PPRC1: variants seen among roughly 807,000 people sequenced by gnomAD.
The protein encoded by PPRC1 is peroxisome proliferator-activated receptor gamma coactivator-related protein 1.
In PPRC1, 23 loss-of-function variants were observed where a neutral mutation model predicts 132.5. The ratio of observed to expected loss-of-function variants is 0.17; its 90% confidence interval spans 0.12 to 0.25. The LOEUF (loss-of-function observed/expected upper bound fraction) is 0.25, where lower values mean the gene tolerates loss of function less well. PPRC1 is among the 10% of genes least tolerant of loss of function. The pLI, the probability that PPRC1 is intolerant of heterozygous loss-of-function variation, is 1.00. For synonymous variants in PPRC1, 872 were observed against 833.5 expected, an observed-to-expected ratio of 1.05 and a Z score of -0.80; for missense variants, 2,006 against 2,089.1, an observed-to-expected ratio of 0.96 and a Z score of 0.78.
the PPRC1 span, among the ~76,000 whole-genome samples, chr10:102,127,042 T>A: frequency 1.8e-5 from 1 of 55,432 alleles, no homozygotes; most frequent in Non-Finnish European, 5.5e-5. Context: ...TATATATATA[T>A]ATATATATAT....
At chr10:102,131,163 C>G (rs2068534769), upstream of PPRC1, among the ~76,000 whole-genome samples, 1 of 149,278 alleles carries the variant, frequency 6.7e-6, no homozygotes, top group Non-Finnish European at 1.5e-5. Context: ...CCACTGCACT[C>G]CAGCCTGGTG....
At chr10:102,133,329 G>A in intron 1 of PPRC1, 108 bp downstream of exon 1, 1 of 1,032,006 alleles carries the variant, frequency 9.7e-7, no homozygotes, top group Non-Finnish European at 1.2e-6. Context: ...TCGATGCCGG[G>A]TGGCCGCGGG....
rs2068907687 is a variant in PPRC1, at chr10:102,140,401, G to A, written c.1893G>A (p.Leu631=). 1 of 1,614,148 alleles carries A rather than the reference G, an allele frequency of 6.2e-7. No individual in the cohort carries two copies. Among genetic ancestry groups the A allele is most frequent in the Non-Finnish European group, 8.5e-7 (1 of 1,180,022 alleles). The change falls in exon 5 of 14, where the codon CTG becomes CTA. Residue 631 remains leucine, a synonymous_variant. Transcript: ENST00000278070. ...LVEPLPAEPV[L]INPVLADSAA... ...AGCCTCTCCCGGCTGAGCCAGTGCT[G>A]ATCAACCCAGTCCTGGCTGACTCAG... is the stretch of plus-strand genomic sequence containing the variant.
chr10:102,132,869 C>G (rs959622224), upstream of PPRC1: 17 of 698,534 alleles, frequency 2.4e-5, no homozygotes, highest in African/African-American at 3.1e-4. Context: ...CCAAACGGTC[C>G]CCACTTAAAG....
At chr10:102,120,496 C>A in the PPRC1 span, 2 of 482,856 alleles carry the variant, frequency 4.1e-6, no homozygotes, top group South Asian at 8.7e-5. Context: ...CCAGCCCAAG[C>A]CGGGCAGGGC....
In PPRC1 at chr10:102,133,062, G is replaced by A. The variant is rs1590309483; in HGVS notation, c.-7G>A. ...ATCAGAGCAGCGCTGGGTGTTCAGG[G>A]GCCAAGATGGCGGCGCGCCGGGGAC... On this transcript the variant is annotated 5_prime_UTR_variant, in exon 1 of 14. Coordinates refer to ENST00000278070, the MANE Select transcript of PPRC1 (RefSeq NM_015062.5). 10 of 1,241,212 alleles carry A rather than the reference G, an allele frequency of 8.1e-6. No individual in the cohort carries two copies. The East Asian group carries it at 2.5e-4, about 31-fold the overall frequency. The allele number at this position is 1,241,212 out of a possible 1,614,324, so 76.9% of individuals were successfully genotyped here.
chr10:102,146,599 G>A, intron 8 of PPRC1, 73 bp from the exon 9 acceptor site: 1 of 1,506,402 alleles, frequency 6.6e-7, no homozygotes, highest in Non-Finnish European at 8.8e-7. Flanking sequence ...GTCTCTGGAG[G>A]CTATATACAC....
chr10:102,127,019 T>TTTTATA, the PPRC1 span, among the ~76,000 whole-genome samples: 240 of 78,844 alleles, frequency 3.0e-3, 12 homozygotes, highest in African/African-American at 7.9e-3. Flanking sequence ...TGGTTTTTTA[T>TTTTATA]CATATATATA....
At chr10:102,149,154 C>T (rs1459494780) in intron 12 of PPRC1, 24 bp from the exon 13 acceptor site, 2 of 1,561,612 alleles carry the variant, frequency 1.3e-6, no homozygotes, top group South Asian at 1.2e-5. Flanking sequence ...CACTCCAGCC[C>T]CTGCCTCACT....
chr10:102,141,483 C>T lies in PPRC1; in HGVS notation c.2975C>T (p.Pro992Leu). ...LGWGPGPQHA[P>L]FWSTVPPPPL... The stretch of plus-strand genomic sequence containing the variant: ...TGGGGCCCAGGGCCTCAACATGCTC[C>T]ATTCTGGTCTACTGTTCCCCCACCT... The change falls in exon 5 of 14, where the codon CCA (proline) becomes CTA (leucine). Residue 992 changes from proline (P) to leucine (L), a missense_variant. Pro to Leu is a moderately conservative substitution (Grantham distance 98). Around this residue, in one of 2 missense-constraint regions of PPRC1, gnomAD observed 1,914 missense variants for 1,917.2 expected, o/e 1.00. Transcript: ENST00000278070. 6.2e-7 allele frequency: 1 copy of T among 1,613,894 alleles called. No individual in the cohort carries two copies. The highest frequency in any genetic ancestry group is 8.5e-7 in the Non-Finnish European group (1 of 1,179,972).
the PPRC1 span, among the ~76,000 whole-genome samples, chr10:102,126,810 C>T: frequency 6.6e-6 from 1 of 151,600 alleles, no homozygotes; most frequent in East Asian, 1.9e-4. Flanking sequence ...TTTTATAGAT[C>T]GTCCCTTGCC....
At chr10:102,137,794 T>C in intron 1 of PPRC1, 56 bp from the exon 2 acceptor site, 1 of 1,528,134 alleles carries the variant, frequency 6.5e-7, no homozygotes, top group East Asian at 2.3e-5. Flanking sequence ...TTATGGAGCA[T>C]ATTATCAGCT....
At position 102,148,764 on chromosome 10, in the gene PPRC1, C is replaced by T. The variant is rs2069380694; in HGVS notation, c.4618-53C>T. The T allele has an allele frequency of 1.2e-6, 2 of 1,614,018 alleles. No homozygotes were observed. The highest frequency in any genetic ancestry group is 1.3e-5 in the African/African-American group (1 of 74,936). On this transcript the variant is annotated intron_variant, in intron 11 of 13. Transcript: ENST00000278070. The surrounding 1 kb of genome is among the most constrained non-coding windows in gnomAD (Gnocchi z 4.2). ...AGCCTTGAGCTCAGAGAGCTGCCTG[C>T]AGCTGTAGCCCTGGCTAATGGTGTG...
chr10:102,144,603 A>C, intron 7 of PPRC1: 1 of 506,230 alleles, frequency 2.0e-6, no homozygotes, highest in Non-Finnish European at 3.5e-6. Flanking sequence ...TCTTTCATTT[A>C]ATAACACTTC....
the PPRC1 span, among the ~76,000 whole-genome samples, chr10:102,121,550 C>T: frequency 6.6e-6 from 1 of 152,156 alleles, no homozygotes; most frequent in Admixed American, 6.5e-5. Context: ...GGCTCCATCT[C>T]CATCCCTTCC....
chr10:102,141,664 T>A lies in PPRC1; in HGVS notation c.3156T>A (p.Pro1052=). The A allele has an allele frequency of 6.2e-7, 1 of 1,614,082 alleles. No homozygotes were observed. The highest frequency in any genetic ancestry group is 8.5e-7 in the Non-Finnish European group (1 of 1,179,980). Residue 1052 remains proline, a synonymous_variant, in exon 5 of 14, where the codon CCT becomes CCA. Transcript: ENST00000278070. ...LPGHGAPQTE[P]TKVEVKPVPA... is the part of the protein sequence containing the mutation. The stretch of plus-strand genomic sequence containing the variant: ...GCCATGGAGCTCCTCAGACAGAGCC[T>A]ACCAAGGTGGAGGTCAAGCCAGTGC...
In PPRC1 at chr10:102,133,087, C is replaced by A. The variant is rs755301315; in HGVS notation, c.19C>A (p.Arg7=). 8.0e-7 allele frequency: 1 copy of A among 1,243,090 alleles called. No homozygotes were observed. The highest frequency in any genetic ancestry group is 1.0e-6 in the Non-Finnish European group (1 of 988,042). The allele number at this position is 1,243,090 out of a possible 1,614,324, so 77.0% of individuals were successfully genotyped here. Residue 7 remains arginine (R), a synonymous_variant, in exon 1 of 14, where the codon CGG becomes AGG. Coordinates refer to ENST00000278070, the MANE Select transcript of PPRC1 (RefSeq NM_015062.5). MAARRG[R]RDGVAPPPSG... is the part of the protein sequence containing the mutation. ...GGCCAAGATGGCGGCGCGCCGGGGA[C>A]GGAGAGACGGAGTCGCGCCGCCCCC...
At position 102,139,832 on chromosome 10, in the gene PPRC1, C is replaced by T. The variant is rs2068876464; in HGVS notation, c.1324C>T (p.Pro442Ser). 6.2e-7 allele frequency: 1 copy of T among 1,614,132 alleles called. No homozygotes were observed. Among genetic ancestry groups the T allele is most frequent in the Non-Finnish European group, 8.5e-7 (1 of 1,180,020 alleles). Residue 442 changes from proline (P) to serine (S), a missense_variant, in exon 5 of 14, where the codon CCT becomes TCT. Physicochemically the swap from Pro to Ser is moderately conservative, Grantham distance 74 (BLOSUM62 -1). Around this residue, in one of 2 missense-constraint regions of PPRC1, gnomAD observed 1,914 missense variants for 1,917.2 expected, o/e 1.00. Transcript: ENST00000278070. ...EVVEPVVPKE[P>S]QNPPANAAPG... ...CGTGGAGCCGGTGGTGCCCAAGGAG[C>T]CTCAGAACCCACCTGCCAATGCAGC... is the stretch of plus-strand genomic sequence containing the variant.
At chr10:102,130,213 G>A (rs1053337145), upstream of PPRC1, among the ~76,000 whole-genome samples, 3 of 150,192 alleles carry the variant, frequency 2.0e-5, no homozygotes, top group Non-Finnish European at 3.0e-5. Flanking sequence ...TCAGGAAATC[G>A]AGACCATCCT....
Sources: gnomAD v4.1 joint callset for allele counts (sites outside exome capture counted in the v4.1 genomes callset) on GRCh38, gnomAD v4.1.1 for gene constraint, gnomAD v4.1.1 regional missense constraint, Gnocchi (gnomAD v3.1) non-coding constraint, MANE v1.5 for transcripts, NCBI Gene and HGNC (gene_info 2026-07-23, HGNC 2026-07-21) for gene names.